Variants in RORA observed in about 807,000 individuals in gnomAD.
RORA encodes nuclear receptor ROR-alpha.
In RORA, 7 loss-of-function variants were observed where a neutral mutation model predicts 69.5. The observed-to-expected ratio is 0.10, with a 90% confidence interval of 0.06 to 0.19. The LOEUF (loss-of-function observed/expected upper bound fraction) is 0.19. Among genes scored for constraint, RORA ranks in the 10% least tolerant of loss-of-function variants. The pLI is 1.00. For synonymous variants in RORA, 261 were observed against 240.8 expected (o/e 1.08, Z -0.78); for missense variants, 457 against 663.0 (o/e 0.69, Z 3.41).
chr15:60,705,973 A>G (rs1196132235), intron 1 of RORA, among the ~76,000 whole-genome samples: 2 of 152,204 alleles, frequency 1.3e-5, no homozygotes, highest in African/African-American at 4.8e-5. Flanking sequence ...GGCAGGTATT[A>G]TGAAGGTTCA....
chr15:60,888,538 G>A (rs1304712617), intron 1 of RORA, among the ~76,000 whole-genome samples: 1 of 152,156 alleles, frequency 6.6e-6, no homozygotes, highest in Non-Finnish European at 1.5e-5. Flanking sequence ...TCTTCTCAGG[G>A]AAAGCAGCTG....
At chr15:61,124,147 C>G (rs1445995121) in intron 1 of RORA, among the ~76,000 whole-genome samples, 1 of 152,212 alleles carries the variant, frequency 6.6e-6, no homozygotes, top group African/African-American at 2.4e-5. Flanking sequence ...CCTCCTACCT[C>G]TTAGCCCATT....
chr15:60,782,326 T>G (rs1157812686), intron 1 of RORA, among the ~76,000 whole-genome samples: 1 of 152,138 alleles, frequency 6.6e-6, no homozygotes, highest in Admixed American at 6.5e-5. Context: ...GCTAAGGAAG[T>G]GTACCATATA....
At chr15:60,664,729 A>G (rs1379529959) in intron 2 of RORA, among the ~76,000 whole-genome samples, 4 of 152,218 alleles carry the variant, frequency 2.6e-5, no homozygotes, top group Non-Finnish European at 5.9e-5. Flanking sequence ...TGGTTAGGTC[A>G]TCGCCTAAGG....
intron 2 of RORA, among the ~76,000 whole-genome samples, chr15:60,668,414 T>C (rs1006398201): frequency 6.6e-6 from 1 of 152,220 alleles, no homozygotes; most frequent in African/African-American, 2.4e-5. Context: ...GAGCTGCTAT[T>C]TGAGGCAACT....
chr15:60,839,315 T>C (rs2073165107), intron 1 of RORA, among the ~76,000 whole-genome samples: 1 of 152,256 alleles, frequency 6.6e-6, no homozygotes, highest in Admixed American at 6.5e-5. Flanking sequence ...TTAAAGATGA[T>C]GATAATAATT....
At position 61,207,190 on chromosome 15, in the gene RORA, C is replaced by G. The variant is rs140547182; in HGVS notation, c.166+21863G>C. On this transcript the variant is annotated intron_variant, in intron 1 of 10. Transcript: ENST00000335670. ...CACACATACTACTTGTTGGGCCCAA[C>G]CTTTCTGAAATTTATAATAGAGAAA... 2.7e-3 allele frequency among the ~76,000 whole-genome samples: 411 copies of G among 152,116 alleles called. 2 individuals are homozygous for G. Among genetic ancestry groups the G allele is most frequent in the African/African-American group, 9.6e-3 (398 of 41,476 alleles).
intron 1 of RORA, among the ~76,000 whole-genome samples, chr15:60,887,892 A>G (rs1017780838): frequency 6.6e-6 from 1 of 152,240 alleles, no homozygotes; most frequent in African/African-American, 2.4e-5. Flanking sequence ...CTTACTTCAC[A>G]TAGTCTAGCA....
At chr15:60,727,921 G>A (rs1270068732) in intron 1 of RORA, among the ~76,000 whole-genome samples, 3 of 152,128 alleles carry the variant, frequency 2.0e-5, no homozygotes, top group African/African-American at 7.2e-5. Context: ...CCTGGACCTG[G>A]CTTCACCTCC....
chr15:61,105,362 G>C (rs1198272810), intron 1 of RORA, among the ~76,000 whole-genome samples: 1 of 152,156 alleles, frequency 6.6e-6, no homozygotes, highest in East Asian at 1.9e-4. Flanking sequence ...CTCACTAAGT[G>C]TGTTTAATTA....
intron 1 of RORA, among the ~76,000 whole-genome samples, chr15:60,833,105 C>T (rs538233548): frequency 6.6e-6 from 1 of 151,970 alleles, no homozygotes; most frequent in Non-Finnish European, 1.5e-5. Context: ...AGGGTTTCAC[C>T]GTGTTAGCCA....
At chr15:60,711,476 T>G (rs1344417630) in intron 1 of RORA, among the ~76,000 whole-genome samples, 1 of 152,142 alleles carries the variant, frequency 6.6e-6, no homozygotes, top group East Asian at 1.9e-4. Context: ...AGAAGACAAC[T>G]TCAGTAAGGG....
chr15:60,647,813 T>C (rs757675910), intron 2 of RORA, among the ~76,000 whole-genome samples: 40 of 152,198 alleles, frequency 2.6e-4, no homozygotes, highest in Non-Finnish European at 4.9e-4. Context: ...CTTCTCTGTA[T>C]CTGGATGAAC....
intron 1 of RORA, among the ~76,000 whole-genome samples, chr15:60,842,652 C>A (rs755425715): frequency 2.0e-5 from 3 of 152,154 alleles, no homozygotes; most frequent in African/African-American, 7.2e-5. Flanking sequence ...CCCTTCACTG[C>A]CCCTTCTACC....
chr15:60,515,956 T>TA (rs1491513028), intron 3 of RORA, among the ~76,000 whole-genome samples: 7 of 12,134 alleles, frequency 5.8e-4, no homozygotes, highest in Admixed American at 2.6e-3. Flanking sequence ...TATTTATATA[T>TA]TTATATTTAT....
At chr15:60,752,796 A>C (rs2071744984) in intron 1 of RORA, among the ~76,000 whole-genome samples, 1 of 152,180 alleles carries the variant, frequency 6.6e-6, no homozygotes, top group African/African-American at 2.4e-5. Context: ...CCATTGGATG[A>C]ATCAGCCTCC....
At chr15:61,097,934 G>A (rs898575071) in intron 1 of RORA, among the ~76,000 whole-genome samples, 1 of 152,308 alleles carries the variant, frequency 6.6e-6, no homozygotes, top group African/African-American at 2.4e-5. Flanking sequence ...TCAGTAGTCA[G>A]AGTCAATAAC....
chr15:61,089,350 A>G (rs2078671520), intron 1 of RORA, among the ~76,000 whole-genome samples: 1 of 152,218 alleles, frequency 6.6e-6, no homozygotes, highest in Non-Finnish European at 1.5e-5. Flanking sequence ...GACCTTGCTA[A>G]CTTGGGAAAA....
intron 2 of RORA, among the ~76,000 whole-genome samples, chr15:60,634,387 G>A (rs1015674590): frequency 2.0e-5 from 3 of 147,434 alleles, no homozygotes; most frequent in African/African-American, 7.7e-5. Flanking sequence ...TCTGAGAGAA[G>A]CAGTGCTACC....
Sources: gnomAD v4.1 joint callset for allele counts (sites outside exome capture counted in the v4.1 genomes callset) on GRCh38, gnomAD v4.1.1 for gene constraint, MANE v1.5 for transcripts, NCBI Gene and HGNC (gene_info 2026-07-23, HGNC 2026-07-21) for gene names.